FAT1: variants seen among roughly 807,000 people sequenced by gnomAD.
FAT1 encodes protocadherin Fat 1.
Under a neutral mutation model 329.8 loss-of-function variants are expected in FAT1, and 171 were observed. That is an observed-to-expected ratio of 0.52 (90% CI 0.46 to 0.59). The LOEUF (loss-of-function observed/expected upper bound fraction) is 0.59. Ranked by LOEUF, FAT1 falls within the 20% of genes least tolerant of loss-of-function variation. The pLI, the probability that FAT1 is intolerant of heterozygous loss-of-function variation, is 0.00. For missense variants in FAT1, 5,672 were observed against 5,774.4 expected, an observed-to-expected ratio of 0.98 and a Z score of 0.57; for synonymous variants, 2,233 against 2,228.6, an observed-to-expected ratio of 1.00 and a Z score of -0.06.
At chr4:186,654,444 T>C (rs1001935188) in intron 3 of FAT1, among the ~76,000 whole-genome samples, 3 of 152,020 alleles carry the variant, frequency 2.0e-5, no homozygotes, top group Admixed American at 2.0e-4. Flanking sequence ...ACAAGGAAAA[T>C]TAGGCTTTGC....
intron 26 of FAT1, chr4:186,592,820 T>C: frequency 2.2e-6 from 1 of 455,422 alleles, no homozygotes; most frequent in Non-Finnish European, 4.4e-6. Context: ...GTGCATGAAA[T>C]AAAGTTTTGT....
rs2126518595 is a variant in FAT1 at position 186,620,740 on chromosome 4, T to A, written c.5846A>T (p.Glu1949Val). 6.2e-7 allele frequency: 1 copy of A among 1,614,010 alleles called. No individual in the cohort carries two copies. The highest frequency in any genetic ancestry group is 8.5e-7 in the Non-Finnish European group (1 of 1,179,890). ...GCCATCGGAAGCTCTAACGGTTAGC[T>A]CGTAGCGGCTTCTTAACTGAGTTGT... Reference protein sequence around the residue: ...QNTTQLRSRYELTVRASDGRF... With the variant: ...QNTTQLRSRYVLTVRASDGRF... The change falls in exon 10 of 27, where the codon GAG becomes GTG. Residue 1949 changes from glutamate to valine, a missense_variant. Around this residue, in one of 2 missense-constraint regions of FAT1, gnomAD observed 3,966 missense variants for 3,915.2 expected, o/e 1.01. Transcript: ENST00000441802.
intron 2 of FAT1, among the ~76,000 whole-genome samples, chr4:186,673,780 A>G (rs76734352): frequency 0.02 from 3,093 of 152,312 alleles, 151 homozygotes; most frequent in East Asian, 0.14. Context: ...TTAGCTCTGC[A>G]AAGAGTCATT....
intron 1 of FAT1, among the ~76,000 whole-genome samples, chr4:186,721,615 T>C (rs1745472604): frequency 1.3e-5 from 2 of 152,240 alleles, no homozygotes; most frequent in South Asian, 2.1e-4. Flanking sequence ...AATGCAATAA[T>C]AATGTACTAA....
chr4:186,604,863 G>A (rs1375463524), intron 17 of FAT1, among the ~76,000 whole-genome samples: 1 of 151,868 alleles, frequency 6.6e-6, no homozygotes, highest in Non-Finnish European at 1.5e-5. Context: ...GGAGGAGTGG[G>A]GGACAGGAGG....
At chr4:186,691,072 T>C (rs376979390) in intron 2 of FAT1, among the ~76,000 whole-genome samples, 3 of 152,176 alleles carry the variant, frequency 2.0e-5, no homozygotes, top group African/African-American at 7.2e-5. Context: ...ATTTAAAAAA[T>C]AACGAGTAAC....
rs371952714 is a variant in FAT1, at chr4:186,613,146, C to T, written c.9426G>A (p.Thr3142=). The T allele has an allele frequency of 4.9e-5, 79 of 1,612,898 alleles. No homozygotes were observed. The highest frequency in any genetic ancestry group is 6.4e-5 in the Non-Finnish European group (76 of 1,179,834). ...CTGTGGCCTGCACTCTTGTCAGCAG[C>T]GTTCCCGGCTCTGTGTTTTCAAACA... ...ITVFENTEPG[T]LLTRVQATDA... Residue 3142 remains threonine, a synonymous_variant, in exon 13 of 27, where the codon ACG becomes ACA. Transcript: ENST00000441802.
At chr4:186,642,253 G>A (rs1486714943) in intron 3 of FAT1, among the ~76,000 whole-genome samples, 2 of 152,102 alleles carry the variant, frequency 1.3e-5, no homozygotes, top group African/African-American at 4.8e-5. Context: ...TCACTGCAGG[G>A]CCTGGCGTGG....
rs780198819 is a variant in FAT1, at chr4:186,599,995, C to G, written c.12006G>C (p.Ser4002=). ...KPRSYAHIEE[S]VDVSPGCFLT... is the part of the protein sequence containing the mutation. ...GGAAGCAGCCTGGAGATACATCCAC[C>G]GACTCTTCGATGTGTGCATAGCTTC... Residue 4002 remains serine, a synonymous_variant, in exon 22 of 27, where the codon TCG becomes TCC. Coordinates refer to ENST00000441802, the MANE Select transcript of FAT1 (RefSeq NM_005245.4). 6.2e-7 allele frequency: 1 copy of G among 1,613,980 alleles called. No homozygotes were observed. Among genetic ancestry groups the G allele is most frequent in the South Asian group, 1.1e-5 (1 of 91,084 alleles).
At position 186,709,067 on chromosome 4, in the gene FAT1, G is replaced by A. The variant is rs756331828; in HGVS notation, c.761C>T (p.Ala254Val). 3 of 1,613,820 alleles carry A rather than the reference G, an allele frequency of 1.9e-6. No individual in the cohort carries two copies. Among genetic ancestry groups the A allele is most frequent in the East Asian group, 4.5e-5 (2 of 44,892 alleles). Residue 254 changes from alanine (A) to valine (V), a missense_variant, in exon 2 of 27, where the codon GCT (alanine) becomes GTT (valine). By Grantham distance (64) the Ala-to-Val change is moderately conservative. This residue lies in a region of FAT1 where 3,966 missense variants were observed against 3,915.2 expected (regional missense o/e 1.01). Coordinates refer to ENST00000441802, the MANE Select transcript of FAT1 (RefSeq NM_005245.4). Reference sequence around the variant, plus strand: ...CAATGTCACTGCTGTTATCACCGGAGCACATTCATTGGCCTGTTCGATGTG... The same window carrying A: ...CAATGTCACTGCTGTTATCACCGGAACACATTCATTGGCCTGTTCGATGTG... Reference protein sequence around the residue: ...TVHIEQANECAPVITAVTLSP... With the variant: ...TVHIEQANECVPVITAVTLSP...
chr4:186,690,886 T>C (rs1743728015), intron 2 of FAT1, among the ~76,000 whole-genome samples: 1 of 152,146 alleles, frequency 6.6e-6, no homozygotes, highest in Admixed American at 6.5e-5. Flanking sequence ...CATTAATACT[T>C]ACGCTAATCA....
intron 1 of FAT1, among the ~76,000 whole-genome samples, chr4:186,715,053 A>G (rs148731091): frequency 0.056 from 8,486 of 151,750 alleles, 770 homozygotes; most frequent in African/African-American, 0.2. Flanking sequence ...ACTCCAGCCT[A>G]GGTGACAGAG....
At chr4:186,684,856 T>C (rs574254401) in intron 2 of FAT1, among the ~76,000 whole-genome samples, 3 of 152,370 alleles carry the variant, frequency 2.0e-5, no homozygotes, top group East Asian at 3.9e-4. Context: ...TTTGCTACTC[T>C]GTTTAGTTTT....
chr4:186,618,435 A>G lies in FAT1; in HGVS notation c.8151T>C (p.Pro2717=), dbSNP rs2126495212. The part of the protein sequence containing the change: ...FYTFTVSEDV[P]IGTEIDLIRA... ...GGATGAGATCTATCTCTGTTCCAAT[A>G]GGCACGTCCTCTGACACTGTAAAGG... Residue 2717 remains proline (P), a synonymous_variant, in exon 10 of 27, where the codon CCT becomes CCC. Transcript: ENST00000441802. The G allele has an allele frequency of 1.2e-6, 2 of 1,614,036 alleles. No individual in the cohort carries two copies. The highest frequency in any genetic ancestry group is 1.7e-6 in the Non-Finnish European group (2 of 1,179,898).
intron 2 of FAT1, among the ~76,000 whole-genome samples, chr4:186,677,402 T>G (rs756726584): frequency 1.4e-4 from 22 of 152,302 alleles, no homozygotes; most frequent in Non-Finnish European, 1.6e-4. Flanking sequence ...CAAGATTTGA[T>G]GTTAAACCTG....
intron 14 of FAT1, among the ~76,000 whole-genome samples, chr4:186,610,683 AAATTATAT>A (rs1378902977): frequency 3.7e-5 from 2 of 53,862 alleles, no homozygotes; most frequent in African/African-American, 1.9e-4. Context: ...ATATAAATAT[AAATTATAT>A]AATTTATATA....
chr4:186,658,973 C>A (rs757527876), intron 3 of FAT1, among the ~76,000 whole-genome samples: 2 of 152,222 alleles, frequency 1.3e-5, no homozygotes, highest in Non-Finnish European at 2.9e-5. Flanking sequence ...GGTAAATAAA[C>A]ACGGCCACGC....
chr4:186,593,352 G>A (rs1463375066), intron 26 of FAT1, among the ~76,000 whole-genome samples: 2 of 152,168 alleles, frequency 1.3e-5, no homozygotes, highest in Admixed American at 1.3e-4. Flanking sequence ...CTTTTCATTT[G>A]TGTATCAGAT....
intron 17 of FAT1, 128 bp downstream of exon 17, chr4:186,605,942 G>A (rs1211843432): frequency 2.1e-5 from 17 of 826,654 alleles, no homozygotes; most frequent in South Asian, 5.3e-5. Flanking sequence ...TACTGATAGC[G>A]ACTTCTTGAA....
Sources: allele counts gnomAD v4.1 joint callset (sites outside exome capture counted in the v4.1 genomes callset), GRCh38; gene constraint gnomAD v4.1.1; regional missense constraint gnomAD v4.1.1; transcripts MANE v1.5; gene names NCBI Gene and HGNC (gene_info 2026-07-23, HGNC 2026-07-21).